Variants in FHIT observed in about 807,000 individuals in gnomAD.
FHIT encodes bis(5'-adenosyl)-triphosphatase.
FHIT carries 19 observed loss-of-function variants against 17.9 expected under a neutral mutation model. The ratio of observed to expected loss-of-function variants is 1.06; its 90% CI spans 0.74 to 1.56. The LOEUF (loss-of-function observed/expected upper bound fraction) is 1.56. FHIT is among the 40% of genes most tolerant of loss of function. The pLI, the probability that FHIT is intolerant of heterozygous loss-of-function variation, is 0.00. For synonymous variants in FHIT, 81 were observed against 69.7 expected (o/e 1.16, Z -0.81); for missense variants, 248 against 189.2 (o/e 1.31, Z -1.82).
At position 60,783,309 on chromosome 3, in the gene FHIT, G is replaced by A. The variant is rs183302545; in HGVS notation, c.-18+38610C>T. Among the ~76,000 whole-genome samples the A allele has an allele frequency of 4.0e-4, 61 of 152,320 alleles. No homozygotes were observed. The Middle Eastern group carries it at 0.017, about 42-fold the overall frequency. On this transcript the variant is annotated intron_variant, in intron 4 of 9. Coordinates refer to ENST00000492590, the MANE Select transcript of FHIT (RefSeq NM_002012.4). ...TTAGAGAGAGAGCCAAGGAACACCAGTGTGGCTTTTTGCATTGAACAACGA... is the reference window on the plus strand; with the variant it reads ...TTAGAGAGAGAGCCAAGGAACACCAATGTGGCTTTTTGCATTGAACAACGA...
chr3:60,641,992 G>A (rs1480828214), intron 4 of FHIT, among the ~76,000 whole-genome samples: 1 of 152,082 alleles, frequency 6.6e-6, no homozygotes, highest in Non-Finnish European at 1.5e-5. Context: ...GGTGGGTTAG[G>A]GGTAGGGGGT....
chr3:60,039,917 C>A (rs531778997), intron 5 of FHIT, among the ~76,000 whole-genome samples: 2 of 152,192 alleles, frequency 1.3e-5, no homozygotes, highest in African/African-American at 2.4e-5. Flanking sequence ...CAAATTTACA[C>A]TGAAGAGTCA....
At chr3:60,502,033 G>A (rs1007623408) in intron 5 of FHIT, among the ~76,000 whole-genome samples, 2 of 152,190 alleles carry the variant, frequency 1.3e-5, no homozygotes, top group African/African-American at 4.8e-5. Flanking sequence ...AGATTTCAGA[G>A]AAAGAAGCAA....
At chr3:60,654,423 C>T (rs55955020) in intron 4 of FHIT, among the ~76,000 whole-genome samples, 23,429 of 152,012 alleles carry the variant, frequency 0.15, 2,244 homozygotes, top group Middle Eastern at 0.24. Context: ...GTCTACAGAG[C>T]CACCTGTCCA....
At position 60,603,508 on chromosome 3, in the gene FHIT, C is replaced by T. The variant is rs114775176; in HGVS notation, c.-17-66529G>A. Among the ~76,000 whole-genome samples, 1,301 of 151,702 alleles carry T rather than the reference C, an allele frequency of 8.6e-3. 18 individuals are homozygous for T. Among genetic ancestry groups the T allele is most frequent in the African/African-American group, 0.03 (1,230 of 41,354 alleles). ...CTTCAACTGTTCAGAGGGTATTTCT[C>T]GGTGGTGGGATTTAGGGTATTGTGT... On this transcript the variant is annotated intron_variant, in intron 4 of 9. Coordinates refer to ENST00000492590, the MANE Select transcript of FHIT (RefSeq NM_002012.4).
intron 8 of FHIT, among the ~76,000 whole-genome samples, chr3:59,900,623 G>GT (rs11425296): frequency 0.048 from 7,246 of 151,692 alleles, 356 homozygotes; most frequent in African/African-American, 0.13. Context: ...GTTGTTGTTT[G>GT]TTTTTTTTGA....
chr3:60,906,596 T>C (rs1706436465), intron 3 of FHIT, among the ~76,000 whole-genome samples: 1 of 152,158 alleles, frequency 6.6e-6, no homozygotes, highest in Non-Finnish European at 1.5e-5. Context: ...TACATCTTTT[T>C]TTACTCCAGG....
At chr3:59,829,478 A>C (rs549737279) in intron 8 of FHIT, among the ~76,000 whole-genome samples, 12 of 152,306 alleles carry the variant, frequency 7.9e-5, no homozygotes, top group South Asian at 6.2e-4. Context: ...AGCCAGAAGA[A>C]TCTATGCCTC....
At chr3:60,937,795 C>A (rs1288955308) in intron 3 of FHIT, among the ~76,000 whole-genome samples, 1 of 152,034 alleles carries the variant, frequency 6.6e-6, no homozygotes, top group East Asian at 1.9e-4. Flanking sequence ...AACTCCTGAC[C>A]TTGTGATCCG....
At chr3:60,266,088 A>C (rs1427156370) in intron 5 of FHIT, among the ~76,000 whole-genome samples, 2 of 152,068 alleles carry the variant, frequency 1.3e-5, no homozygotes, top group African/African-American at 2.4e-5. Context: ...ATGTTCACAC[A>C]AAAGTTCTAT....
In FHIT at chr3:59,774,600, A is replaced by G. The variant is rs114254052; in HGVS notation, c.349-22279T>C. Among the ~76,000 whole-genome samples, 1,277 of 152,324 alleles carry G rather than the reference A, an allele frequency of 8.4e-3. 16 individuals carry two copies. The highest frequency in any genetic ancestry group is 0.015 in the Non-Finnish European group (999 of 68,024). ...AGGTTCTCAATAAATGTTAGCCACC[A>G]TTAATATTACTGCTAGCAGTTATCA... On this transcript the variant is annotated intron_variant, in intron 8 of 9. Coordinates refer to ENST00000492590, the MANE Select transcript of FHIT (RefSeq NM_002012.4).
chr3:60,755,783 T>G (rs1470609165), intron 4 of FHIT, among the ~76,000 whole-genome samples: 1 of 152,218 alleles, frequency 6.6e-6, no homozygotes, highest in Non-Finnish European at 1.5e-5. Flanking sequence ...TAAGGAACAA[T>G]GAGCCAGACT....
chr3:60,250,594 TG>T (rs1193076982), intron 5 of FHIT, among the ~76,000 whole-genome samples: 1 of 152,172 alleles, frequency 6.6e-6, no homozygotes, highest in Admixed American at 6.5e-5. Flanking sequence ...TTCCAGGGCA[TG>T]GGGCTGAATT....
chr3:61,099,719 ACT>A (rs1448981398), intron 2 of FHIT, among the ~76,000 whole-genome samples: 1 of 150,164 alleles, frequency 6.7e-6, no homozygotes, highest in Non-Finnish European at 1.5e-5. Flanking sequence ...TTTATAATAT[ACT>A]CTGATAGTTA....
At chr3:60,177,236 G>A in intron 5 of FHIT, among the ~76,000 whole-genome samples, 1 of 149,492 alleles carries the variant, frequency 6.7e-6, no homozygotes. Flanking sequence ...GGAGAGAGAG[G>A]GTCAGGGAAA....
intron 5 of FHIT, among the ~76,000 whole-genome samples, chr3:60,173,916 T>TATA (rs1343702595): frequency 1.3e-4 from 9 of 68,048 alleles, no homozygotes; most frequent in South Asian, 4.4e-4. Flanking sequence ...TATATATATA[T>TATA]GTTTTTTTTT....
Position 60,527,502 on chromosome 3 carries a change from G to C in FHIT, c.103+9358C>G, listed in dbSNP as rs534686863. On this transcript the variant is annotated intron_variant, in intron 5 of 9. Transcript: ENST00000492590. ...AAAATTGGAGAGCCAGATGAATTTA[G>C]CTCCTCCTGGACCCATTTTATCTCA... Among the ~76,000 whole-genome samples, 16 of 152,292 alleles carry C rather than the reference G, an allele frequency of 1.1e-4. No homozygotes were observed. In the South Asian group the frequency reaches 2.9e-3, roughly 28 times the overall value.
At chr3:60,738,404 G>A (rs563909948) in intron 4 of FHIT, among the ~76,000 whole-genome samples, 6 of 152,320 alleles carry the variant, frequency 3.9e-5, no homozygotes, top group East Asian at 1.9e-4. Flanking sequence ...CAAGAGCTCA[G>A]AGAGTCCAAG....
intron 5 of FHIT, among the ~76,000 whole-genome samples, chr3:60,293,644 C>G (rs896605294): frequency 5.3e-5 from 8 of 151,816 alleles, no homozygotes; most frequent in African/African-American, 1.9e-4. Context: ...GAAACGGTCC[C>G]TTGTTTAATG....
Sources: allele counts gnomAD v4.1 joint callset (sites outside exome capture counted in the v4.1 genomes callset), GRCh38; gene constraint gnomAD v4.1.1; transcripts MANE v1.5; gene names NCBI Gene and HGNC (gene_info 2026-07-23, HGNC 2026-07-21).